Variants in SLC35D1 observed in about 807,000 individuals in gnomAD.
The protein encoded by SLC35D1 is nucleotide sugar transporter SLC35D1.
A neutral mutation model predicts 46.7 loss-of-function variants in SLC35D1; 31 were observed. That is an observed-to-expected ratio of 0.66 (90% CI 0.50 to 0.90). SLC35D1 has a LOEUF of 0.90. Among genes scored for constraint, SLC35D1 ranks in the 40% least tolerant of loss-of-function variants. The pLI is 0.00. For synonymous variants in SLC35D1, 195 were observed against 164.6 expected (o/e 1.18, Z -1.41); for missense variants, 397 against 426.2 (o/e 0.93, Z 0.60).
chr1:67,037,431 A>G (rs1668147457), intron 8 of SLC35D1, among the ~76,000 whole-genome samples: 1 of 152,156 alleles, frequency 6.6e-6, no homozygotes, highest in Admixed American at 6.5e-5. Context: ...CAGGGATGCA[A>G]TCAGATTTTG....
rs546391795 is a variant in SLC35D1, at chr1:67,013,153, T to A, written c.877-3986A>T. ...ATATATAATTTAAGAACATATATCC[T>A]GGAGATATATATATATCCTGTTCTT... On this transcript the variant is annotated intron_variant, in intron 10 of 11. Transcript: ENST00000235345. Among the ~76,000 whole-genome samples, 628 of 128,232 alleles carry A rather than the reference T, an allele frequency of 4.9e-3. 28 individuals are homozygous for A. The highest frequency in any genetic ancestry group is 0.018 in the African/African-American group (585 of 32,520). The allele number at this position is 128,232 out of a possible 152,430, so 84.1% of individuals were successfully genotyped here. A position where few individuals can be genotyped will look rare whatever the true frequency, so the allele number is the denominator to read the frequency against.
chr1:67,018,404 T>C (rs1667728515), intron 10 of SLC35D1, among the ~76,000 whole-genome samples: 1 of 152,050 alleles, frequency 6.6e-6, no homozygotes, highest in Non-Finnish European at 1.5e-5. Flanking sequence ...AAATCAGAAG[T>C]TGGAAAACCT....
At chr1:67,011,750 T>C (rs1217764894) in intron 10 of SLC35D1, among the ~76,000 whole-genome samples, 3 of 152,044 alleles carry the variant, frequency 2.0e-5, no homozygotes, top group African/African-American at 7.2e-5. Context: ...TCCCGAAGTG[T>C]TGGGATTATA....
At chr1:66,978,567 GCA>G in the SLC35D1 span, among the ~76,000 whole-genome samples, 1 of 152,074 alleles carries the variant, frequency 6.6e-6, no homozygotes, top group Non-Finnish European at 1.5e-5. Flanking sequence ...ATTAGATACA[GCA>G]TCTAGTCTGC....
intron 8 of SLC35D1, chr1:67,032,174 C>T (rs749284546): frequency 1.2e-5 from 9 of 773,582 alleles, no homozygotes; most frequent in African/African-American, 3.8e-5. Flanking sequence ...AAGTCTTTAG[C>T]GCTACAGGTG....
At position 67,052,972 on chromosome 1, in the gene SLC35D1, CAT is replaced by C. The variant is rs1470651812; in HGVS notation, c.219_220del (p.Val75TrpfsTer25). ...CCAACTAACCTGGCCAAGTCCAACA[CAT>C]AGTGAGGAGGGAAATCTACAAAAAG... On this transcript the variant is annotated frameshift_variant, in exon 2 of 12. Coordinates refer to ENST00000235345, the MANE Select transcript of SLC35D1 (RefSeq NM_015139.3). LOFTEE classifies it high-confidence loss of function. 1.2e-6 allele frequency: 2 copies of C among 1,614,006 alleles called. No individual in the cohort carries two copies. Among genetic ancestry groups the C allele is most frequent in the African/African-American group, 2.7e-5 (2 of 75,018 alleles).
intron 8 of SLC35D1, 110 bp from the exon 9 acceptor site, chr1:67,021,712 G>GACACACACACACACACACACACAC (rs1238454225): frequency 3.2e-6 from 1 of 308,280 alleles, no homozygotes; most frequent in African/African-American, 2.8e-5. Flanking sequence ...CACAGACACA[G>GACACACACACACACACACACACAC]ACACAGACAC....
At chr1:67,051,044 G>C (rs2102372323) in intron 4 of SLC35D1, among the ~76,000 whole-genome samples, 1 of 152,142 alleles carries the variant, frequency 6.6e-6, no homozygotes, top group South Asian at 2.1e-4. Flanking sequence ...ATCAAAGATA[G>C]GTGTGAATGA....
At chr1:67,006,021 C>A (rs1008686778) in intron 11 of SLC35D1, among the ~76,000 whole-genome samples, 1 of 152,108 alleles carries the variant, frequency 6.6e-6, no homozygotes, top group Non-Finnish European at 1.5e-5. Flanking sequence ...TGTCTTTCCC[C>A]CCCTTTCTGT....
chr1:67,008,841 C>T (rs900504036), intron 11 of SLC35D1, among the ~76,000 whole-genome samples: 2 of 149,234 alleles, frequency 1.3e-5, no homozygotes, highest in Non-Finnish European at 3.0e-5. Flanking sequence ...CTCCTGGGCT[C>T]AAGCAATCTG....
chr1:67,041,312 T>C (rs887640229), intron 8 of SLC35D1, among the ~76,000 whole-genome samples: 1 of 152,204 alleles, frequency 6.6e-6, no homozygotes, highest in Non-Finnish European at 1.5e-5. Flanking sequence ...AGATGACCTG[T>C]ACCAGTTCTT....
the SLC35D1 span, among the ~76,000 whole-genome samples, chr1:66,973,222 C>T: frequency 6.6e-6 from 1 of 152,018 alleles, no homozygotes; most frequent in Non-Finnish European, 1.5e-5. Flanking sequence ...GAATTGTACT[C>T]ATTTACAAGC....
the SLC35D1 span, chr1:66,984,464 A>G: frequency 1.2e-6 from 1 of 804,228 alleles, no homozygotes; most frequent in Non-Finnish European, 2.0e-6. Flanking sequence ...TAGACTATGT[A>G]TTTGATACCT....
intron 10 of SLC35D1, among the ~76,000 whole-genome samples, chr1:67,019,108 G>A (rs11208990): frequency 0.19 from 29,032 of 152,148 alleles, 5,077 homozygotes; most frequent in African/African-American, 0.47. Context: ...TGTATCCCAT[G>A]TTGATAATGA....
At chr1:66,997,517 A>ATATATATATATATATAT (rs1319900394), downstream of SLC35D1, among the ~76,000 whole-genome samples, 1 of 24,164 alleles carries the variant, frequency 4.1e-5, no homozygotes, top group Middle Eastern at 0.025. Flanking sequence ...AAAAAAAAAA[A>ATATATATATATATATAT]AAATATATAT....
chr1:66,991,822 T>C, the SLC35D1 span, among the ~76,000 whole-genome samples: 10 of 152,254 alleles, frequency 6.6e-5, no homozygotes, highest in East Asian at 1.5e-3. Context: ...ACCACCTTTT[T>C]CCATACCCAC....
At chr1:67,014,415 G>C (rs995628419) in intron 10 of SLC35D1, among the ~76,000 whole-genome samples, 4 of 152,026 alleles carry the variant, frequency 2.6e-5, no homozygotes, top group African/African-American at 9.7e-5. Flanking sequence ...TTTTAAACTA[G>C]TGAATTTTAC....
the SLC35D1 span, among the ~76,000 whole-genome samples, chr1:66,975,289 G>A: frequency 6.6e-6 from 1 of 152,162 alleles, no homozygotes; most frequent in African/African-American, 2.4e-5. Flanking sequence ...TACTTTGGGA[G>A]GTTGAAGCAT....
At chr1:67,045,947 G>A (rs1055317741) in intron 7 of SLC35D1, among the ~76,000 whole-genome samples, 2 of 152,148 alleles carry the variant, frequency 1.3e-5, no homozygotes, top group Non-Finnish European at 2.9e-5. Flanking sequence ...ATGGGCTGAA[G>A]AAAAGAGTAA....
Sources: gnomAD v4.1 joint callset for allele counts (sites outside exome capture counted in the v4.1 genomes callset) on GRCh38, gnomAD v4.1.1 for gene constraint, MANE v1.5 for transcripts, NCBI Gene and HGNC (gene_info 2026-07-23, HGNC 2026-07-21) for gene names.